The following POLA1 variants were observed in gnomAD, a reference collection of about 807,000 sequenced individuals.
POLA1 encodes DNA polymerase alpha 1, catalytic subunit, also known as DNA polymerase alpha catalytic subunit.
A neutral mutation model predicts 124.0 loss-of-function variants in POLA1; 15 were observed. The observed-to-expected ratio is 0.12, with a 90% CI of 0.08 to 0.19. POLA1 has a LOEUF of 0.19. Among genes scored for constraint, POLA1 ranks in the 10% least tolerant of loss-of-function variants. The pLI is 1.00. For missense variants in POLA1, 886 were observed against 1,103.4 expected (o/e 0.80, Z 2.79); for synonymous variants, 408 against 389.4 (o/e 1.05, Z -0.56).
At chrX:24,923,019 C>A (rs1811292440) in intron 35 of POLA1, among the ~76,000 whole-genome samples, 1 of 111,138 alleles carries the variant, frequency 9.0e-6, no homozygotes, top group Non-Finnish European at 1.9e-5. Context: ...ATTAAGGAAA[C>A]CTTTTGTAGG....
rs1053703092 is a variant in POLA1, at chrX:24,812,964, T to G, written c.3296+101T>G. 1.2e-5 allele frequency: 5 copies of G among 412,348 alleles called. No individual in the cohort carries two copies. In the Admixed American group the frequency reaches 2.2e-4, roughly 18 times the overall value. The allele number at this position is 412,348 out of a possible 1,213,427, so 34.0% of individuals were successfully genotyped here. ...ATGAATCTGTCAAGCCCAAGAACAC[T>G]TCTTTGTTATTTTTATTATTCTTAT... On this transcript the variant is annotated intron_variant, in intron 29 of 36. Coordinates refer to ENST00000379068, the MANE Select transcript of POLA1 (RefSeq NM_001330360.2).
intron 26 of POLA1, among the ~76,000 whole-genome samples, chrX:24,806,610 GC>G (rs1467204532): frequency 9.0e-6 from 1 of 111,484 alleles, no homozygotes; most frequent in Non-Finnish European, 1.9e-5. Flanking sequence ...TGCTAGTGAG[GC>G]CCACTGAAAA....
chrX:24,892,897 C>T (rs1025398432), intron 35 of POLA1, among the ~76,000 whole-genome samples: 3 of 111,922 alleles, frequency 2.7e-5, no homozygotes, highest in African/African-American at 9.7e-5. Flanking sequence ...CTTTGAGAAA[C>T]CCCCTAGTGT....
intron 20 of POLA1, among the ~76,000 whole-genome samples, chrX:24,740,001 G>A (rs943759329): frequency 9.0e-6 from 1 of 110,783 alleles, no homozygotes; most frequent in Non-Finnish European, 1.9e-5. Context: ...ATCTCATTGA[G>A]TCTTAGGAAT....
intron 35 of POLA1, among the ~76,000 whole-genome samples, chrX:24,910,812 G>A (rs147429443): frequency 4.5e-5 from 5 of 111,817 alleles, no homozygotes; most frequent in African/African-American, 9.7e-5. Context: ...CTTCGCAAGC[G>A]TGACACTACT....
intron 30 of POLA1, among the ~76,000 whole-genome samples, chrX:24,818,717 AC>A (rs937117180): frequency 8.9e-6 from 1 of 112,542 alleles, no homozygotes; most frequent in African/African-American, 3.2e-5. Flanking sequence ...TATAATTACA[AC>A]AAATAGCATT....
At chrX:24,777,309 C>T (rs938740497) in intron 26 of POLA1, among the ~76,000 whole-genome samples, 6 of 112,080 alleles carry the variant, frequency 5.4e-5, no homozygotes, top group South Asian at 3.7e-4. Flanking sequence ...TTTTTGGTTA[C>T]ACTAAAGACA....
chrX:24,978,552 A>G (rs763212330), intron 36 of POLA1, among the ~76,000 whole-genome samples: 1 of 112,278 alleles, frequency 8.9e-6, no homozygotes, highest in East Asian at 2.8e-4. Context: ...ACCAGACACT[A>G]TTATAAGCAT....
intron 35 of POLA1, among the ~76,000 whole-genome samples, chrX:24,895,375 G>A (rs1261836959): frequency 8.9e-6 from 1 of 111,986 alleles, no homozygotes; most frequent in Non-Finnish European, 1.9e-5. Flanking sequence ...GTCATGATGT[G>A]TTCCCAGGAG....
intron 26 of POLA1, among the ~76,000 whole-genome samples, chrX:24,790,911 G>GTATATATATATATATA (rs56343314): frequency 2.9e-4 from 23 of 78,270 alleles, no homozygotes; most frequent in African/African-American, 9.5e-4. Flanking sequence ...TTATGTATAT[G>GTATATATATATATATA]TATATATATA....
intron 4 of POLA1, among the ~76,000 whole-genome samples, chrX:24,705,883 A>G (rs993524053): frequency 8.9e-6 from 1 of 112,285 alleles, no homozygotes; most frequent in African/African-American, 3.2e-5. Flanking sequence ...GTCAAGACCT[A>G]CAATATAAAG....
At chrX:24,804,658 A>G (rs1331352645) in intron 26 of POLA1, among the ~76,000 whole-genome samples, 3 of 112,088 alleles carry the variant, frequency 2.7e-5, no homozygotes, top group Non-Finnish European at 5.6e-5. Flanking sequence ...AAGTAATACT[A>G]TAGTAGACAT....
chrX:24,795,534 C>A (rs2045590713), intron 26 of POLA1, among the ~76,000 whole-genome samples: 1 of 111,510 alleles, frequency 9.0e-6, no homozygotes, highest in Non-Finnish European at 1.9e-5. Context: ...GGAATCAGAT[C>A]TATTGCTTAG....
chrX:24,932,257 G>A (rs2047794049), intron 36 of POLA1, among the ~76,000 whole-genome samples: 1 of 112,265 alleles, frequency 8.9e-6, no homozygotes, highest in African/African-American at 3.2e-5. Context: ...TGTTATTTGA[G>A]GGGAAAGATT....
In POLA1 at chrX:24,716,464, G is replaced by A; in HGVS notation, c.618+10G>A. 8 of 981,195 alleles carry A rather than the reference G, an allele frequency of 8.2e-6. No homozygotes were observed. Among genetic ancestry groups the A allele is most frequent in the Non-Finnish European group, 8.7e-6 (6 of 686,380 alleles). 80.9% of individuals were successfully genotyped at this position (981,195 alleles called of 1,213,427 possible). A position where few individuals can be genotyped will look rare whatever the true frequency, so the allele number is the denominator to read the frequency against. On this transcript the variant is annotated intron_variant, in intron 7 of 36. Transcript: ENST00000379068. ...TGTGCACACCGCCACGGTAAAGTGT[G>A]TAGAGATACCTTCAATCTTGATTTA...
chrX:24,892,410 A>C (rs2047153101), intron 35 of POLA1, among the ~76,000 whole-genome samples: 1 of 111,446 alleles, frequency 9.0e-6, no homozygotes, highest in African/African-American at 3.3e-5. Context: ...ATCTAAAATA[A>C]AAGTTGATGT....
At chrX:24,791,973 A>G (rs1004027712) in intron 26 of POLA1, among the ~76,000 whole-genome samples, 1 of 112,293 alleles carries the variant, frequency 8.9e-6, no homozygotes, top group South Asian at 3.7e-4. Context: ...GTTTACTCAA[A>G]AAAGTTGAAT....
intron 34 of POLA1, among the ~76,000 whole-genome samples, chrX:24,862,184 A>G (rs959261538): frequency 8.9e-6 from 1 of 112,176 alleles, no homozygotes; most frequent in Admixed American, 9.4e-5. Flanking sequence ...ATACAGTTTC[A>G]CCTGACAGCA....
intron 35 of POLA1, among the ~76,000 whole-genome samples, chrX:24,916,301 T>TTTTTTTTTGG: frequency 9.3e-6 from 1 of 107,143 alleles, no homozygotes; most frequent in Non-Finnish European, 1.9e-5. Flanking sequence ...TTTTTTTTTT[T>TTTTTTTTTGG]GAGGCAGTCT....
Sources: allele counts gnomAD v4.1 joint callset (sites outside exome capture counted in the v4.1 genomes callset), GRCh38; gene constraint gnomAD v4.1.1; transcripts MANE v1.5; gene names NCBI Gene and HGNC (gene_info 2026-07-23, HGNC 2026-07-21).